C16orf74: variants seen among roughly 807,000 people sequenced by gnomAD.
The protein encoded by C16orf74 is uncharacterized protein C16orf74.
A neutral mutation model predicts 6.5 loss-of-function variants in C16orf74; 10 were observed. The ratio of observed to expected loss-of-function variants is 1.54; its 90% confidence interval spans 0.95 to 2.61. C16orf74 has a LOEUF of 2.61. Among genes scored for constraint, C16orf74 ranks in the 30% most tolerant of loss-of-function variants. The probability of loss-of-function intolerance (pLI) is 0.00; values close to 1 mark genes in which losing one functional copy is unlikely to be tolerated. For synonymous variants in C16orf74, 60 were observed against 42.5 expected (o/e 1.41, Z -1.60); for missense variants, 141 against 105.9 (o/e 1.33, Z -1.45).
chr16:85,749,730 C>A (rs907340559), intron 1 of C16orf74, among the ~76,000 whole-genome samples: 2 of 152,220 alleles, frequency 1.3e-5, no homozygotes, highest in South Asian at 2.1e-4. Context: ...CCACTGACGG[C>A]ACGCTCCCAT....
chr16:85,741,134 C>A (rs937460096), intron 1 of C16orf74, among the ~76,000 whole-genome samples: 1 of 152,172 alleles, frequency 6.6e-6, no homozygotes, highest in Non-Finnish European at 1.5e-5. Context: ...TGCGCAATGC[C>A]TGGCCTCCCC....
chr16:85,726,982 C>A (rs914838058), intron 2 of C16orf74, among the ~76,000 whole-genome samples: 4 of 152,196 alleles, frequency 2.6e-5, no homozygotes, highest in Non-Finnish European at 4.4e-5. Flanking sequence ...CTAGCCACCC[C>A]GGGTAGGCAG....
chr16:85,717,670 C>T (rs999985223), intron 2 of C16orf74, among the ~76,000 whole-genome samples: 2 of 152,188 alleles, frequency 1.3e-5, no homozygotes, highest in Non-Finnish European at 2.9e-5. Flanking sequence ...GCTGAGCCTG[C>T]CATTTGCACT....
At position 85,708,029 on chromosome 16, in the gene C16orf74, T is replaced by G. The variant is rs775308939; in HGVS notation, c.210A>C (p.Gly70=). ...CTCCTCAGGCTTCTGGGTCGATTTC[T>G]CCATCATCTGGGCACGACCCTGTCT... The part of the protein sequence containing the change: ...LDETGSCPDD[G]EIDPEA Residue 70 remains glycine (G), a synonymous_variant, in exon 4 of 4, where the codon GGA becomes GGC. Coordinates refer to ENST00000284245, the MANE Select transcript of C16orf74 (RefSeq NM_206967.3). 3.4e-5 allele frequency: 53 copies of G among 1,553,348 alleles called. No individual in the cohort carries two copies. Among genetic ancestry groups the G allele is most frequent in the Non-Finnish European group, 4.5e-5 (52 of 1,147,946 alleles).
chr16:85,726,460 T>C (rs552829783), intron 2 of C16orf74, among the ~76,000 whole-genome samples: 2 of 151,890 alleles, frequency 1.3e-5, no homozygotes, highest in Admixed American at 1.3e-4. Context: ...GTCAGCAGAG[T>C]AGACAAAGAC....
At chr16:85,719,297 ACACCTC>A (rs1233796572) in intron 2 of C16orf74, among the ~76,000 whole-genome samples, 1 of 152,150 alleles carries the variant, frequency 6.6e-6, no homozygotes, top group African/African-American at 2.4e-5. Context: ...CCTTTCCCCT[ACACCTC>A]CTGTCCAGGC....
At chr16:85,740,827 C>CAAAAAAAAAA (rs57813380) in intron 1 of C16orf74, among the ~76,000 whole-genome samples, 6 of 97,888 alleles carry the variant, frequency 6.1e-5, no homozygotes, top group Admixed American at 1.4e-4. Flanking sequence ...GTGAGACCCT[C>CAAAAAAAAAA]AAAAAAAAAA....
chr16:85,728,503 C>T (rs2054156205), intron 2 of C16orf74, among the ~76,000 whole-genome samples: 1 of 152,168 alleles, frequency 6.6e-6, no homozygotes. Flanking sequence ...TGGAGTTAAC[C>T]CAGGCTGGAG....
At chr16:85,708,711 C>T (rs1468134113) in intron 3 of C16orf74, among the ~76,000 whole-genome samples, 1 of 152,248 alleles carries the variant, frequency 6.6e-6, no homozygotes, top group African/African-American at 2.4e-5. Flanking sequence ...TGGCTCCACC[C>T]AGCACCTGCA....
chr16:85,742,302 G>A (rs148175045), intron 1 of C16orf74, among the ~76,000 whole-genome samples: 5,999 of 152,206 alleles, frequency 0.039, 420 homozygotes, highest in African/African-American at 0.14. Flanking sequence ...GAACCTGGGA[G>A]CCAGAAGTTG....
chr16:85,734,061 C>T (rs2054218842), intron 2 of C16orf74, among the ~76,000 whole-genome samples: 1 of 152,238 alleles, frequency 6.6e-6, no homozygotes, highest in South Asian at 2.1e-4. Context: ...CCTTACTTCA[C>T]TTTTCCTGTG....
At chr16:85,713,464 G>T (rs1333351346) in intron 2 of C16orf74, among the ~76,000 whole-genome samples, 2 of 152,114 alleles carry the variant, frequency 1.3e-5, no homozygotes, top group African/African-American at 2.4e-5. Context: ...GTAGAGACAG[G>T]GTCTCACCAT....
intron 1 of C16orf74, among the ~76,000 whole-genome samples, chr16:85,737,885 G>A (rs1655209483): frequency 6.6e-6 from 1 of 151,616 alleles, no homozygotes; most frequent in Non-Finnish European, 1.5e-5. Context: ...CCAGCTGCCT[G>A]CAGCCCAGGG....
At chr16:85,739,682 C>G (rs1406169734) in intron 1 of C16orf74, among the ~76,000 whole-genome samples, 1 of 151,844 alleles carries the variant, frequency 6.6e-6, no homozygotes, top group African/African-American at 2.4e-5. Context: ...TGCCTGTAAC[C>G]CAAGCTACTC....
At chr16:85,740,736 C>T (rs1265871086) in intron 1 of C16orf74, among the ~76,000 whole-genome samples, 1 of 138,296 alleles carries the variant, frequency 7.2e-6, no homozygotes, top group Non-Finnish European at 1.5e-5. Flanking sequence ...TGGTGGCGGG[C>T]ATCTGTAATG....
chr16:85,748,095 T>A (rs577744839), intron 1 of C16orf74, among the ~76,000 whole-genome samples: 17 of 65,528 alleles, frequency 2.6e-4, no homozygotes, highest in South Asian at 1.4e-3. Flanking sequence ...CAAAAAAATA[T>A]ATATATATAT....
chr16:85,730,363 A>G (rs1222034327), intron 2 of C16orf74, among the ~76,000 whole-genome samples: 2 of 152,026 alleles, frequency 1.3e-5, no homozygotes, highest in South Asian at 2.1e-4. Flanking sequence ...CAACTTCCCT[A>G]TCTGTAATGT....
At position 85,715,748 on chromosome 16, in the gene C16orf74, T is replaced by C. The variant is rs1465985075; in HGVS notation, c.29-5441A>G. ...ATCCCTGCTCTATAACATCCAGGAC[T>C]GGCTGCGGAGGGGAGCTGAGATCTA... On this transcript the variant is annotated intron_variant, in intron 2 of 3. Transcript: ENST00000284245. Among the ~76,000 whole-genome samples the C allele has an allele frequency of 2.0e-5, 3 of 152,268 alleles. No homozygotes were observed. In the East Asian group the frequency reaches 5.8e-4, roughly 29 times the overall value.
At chr16:85,709,816 C>A (rs1047643714) in intron 3 of C16orf74, among the ~76,000 whole-genome samples, 6 of 152,254 alleles carry the variant, frequency 3.9e-5, no homozygotes, top group African/African-American at 9.6e-5. Flanking sequence ...CAGCGGCCAA[C>A]AAGATGGAGC....
Sources: gnomAD v4.1 joint callset for allele counts (sites outside exome capture counted in the v4.1 genomes callset) on GRCh38, gnomAD v4.1.1 for gene constraint, MANE v1.5 for transcripts, NCBI Gene and HGNC (gene_info 2026-07-23, HGNC 2026-07-21) for gene names.